The following HIVEP3 variants were observed in gnomAD, a reference collection of about 807,000 sequenced individuals.
HIVEP3 encodes transcription factor HIVEP3.
In HIVEP3, 49 loss-of-function variants were observed where a neutral mutation model predicts 152.8. The ratio of observed to expected loss-of-function variants is 0.32; its 90% CI spans 0.26 to 0.41. HIVEP3 has a LOEUF of 0.41. Ranked by LOEUF, HIVEP3 falls within the 10% of genes least tolerant of loss-of-function variation. HIVEP3 has a pLI of 1.00. For synonymous variants in HIVEP3, 1,269 were observed against 1,289.0 expected (o/e 0.98, Z 0.33); for missense variants, 2,790 against 3,103.3 (o/e 0.90, Z 2.40).
At chr1:41,514,178 T>C (rs1244338861) in intron 7 of HIVEP3, among the ~76,000 whole-genome samples, 1 of 152,000 alleles carries the variant, frequency 6.6e-6, no homozygotes, top group African/African-American at 2.4e-5. Flanking sequence ...TTTGTTTGTT[T>C]CACTAGCATC....
chr1:41,717,338 G>A (rs75257325), intron 1 of HIVEP3, among the ~76,000 whole-genome samples: 3,411 of 152,298 alleles, frequency 0.022, 181 homozygotes, highest in East Asian at 0.21. Flanking sequence ...AAAAACTCCT[G>A]TCCTCTTGGA....
At chr1:42,005,918 G>C (rs961327291) in intron 1 of HIVEP3, among the ~76,000 whole-genome samples, 9 of 152,290 alleles carry the variant, frequency 5.9e-5, no homozygotes, top group East Asian at 1.9e-4. Context: ...GGTTCAGTGA[G>C]AGTGGTTTAG....
rs1644440155 is a variant in HIVEP3 at position 41,510,738 on chromosome 1, G to A, written c.6934C>T (p.Pro2312Ser). The A allele has an allele frequency of 3.2e-6, 5 of 1,562,736 alleles. No homozygotes were observed. In the South Asian group the frequency reaches 4.7e-5, roughly 15 times the overall value. The change falls in exon 9 of 9, where the codon CCC (proline) becomes TCC (serine). Residue 2312 changes from proline to serine, a missense_variant. Physicochemically the swap from Pro to Ser is moderately conservative, Grantham distance 74. Around this residue, in one of 9 missense-constraint regions of HIVEP3, gnomAD observed 816 missense variants for 806.5 expected, o/e 1.01. Coordinates refer to ENST00000372583, the MANE Select transcript of HIVEP3 (RefSeq NM_024503.5). ...TGGGGCGGCCGGGGCAAGGTGTCGG[G>A]TGGGGTGCAGGGGCTGTGCGTGGGT... ...PTPTHSPCTP[P>S]DTLPRPPQGR...
At position 41,580,531 on chromosome 1, in the gene HIVEP3, A is replaced by G. The variant is rs1374210491; in HGVS notation, c.4267T>C (p.Ser1423Pro). ...ACACGTTTGCTTCCCCCTGCTGTTG[A>G]TGAACTCCCCTCCAGGCTCAAGATA... is the stretch of plus-strand genomic sequence containing the variant. ...ESILSLEGSS[S>P]TAGGSKRVLS... is the part of the protein sequence containing the mutation. The change falls in exon 4 of 9, where the codon TCA becomes CCA. Residue 1423 changes from serine (S) to proline (P), a missense_variant. Ser to Pro is a moderately conservative substitution (Grantham distance 74). Coordinates refer to ENST00000372583, the MANE Select transcript of HIVEP3 (RefSeq NM_024503.5). 2.5e-6 allele frequency: 4 copies of G among 1,614,156 alleles called. No homozygotes were observed. The highest frequency in any genetic ancestry group is 2.5e-6 in the Non-Finnish European group (3 of 1,180,036).
In HIVEP3 at chr1:41,621,674, G is replaced by A. The variant is rs530498064; in HGVS notation, c.-522+7075C>T. 1.2e-4 allele frequency among the ~76,000 whole-genome samples: 19 copies of A among 152,250 alleles called. No homozygotes were observed. The East Asian group carries it at 3.3e-3, about 26-fold the overall frequency. ...CTACAGGAGTATGACCACCACATCT[G>A]GCTAAATTTTTTATTTTTCTAGTTT... On this transcript the variant is annotated intron_variant, in intron 3 of 8. Coordinates refer to ENST00000372583, the MANE Select transcript of HIVEP3 (RefSeq NM_024503.5).
rs999292659 is a variant in HIVEP3 at position 41,867,364 on chromosome 1, A to G, written c.-801+51049T>C. 3.9e-5 allele frequency among the ~76,000 whole-genome samples: 6 copies of G among 152,208 alleles called. No homozygotes were observed. In the South Asian group the frequency reaches 6.2e-4, roughly 16 times the overall value. On this transcript the variant is annotated intron_variant, in intron 1 of 8. Coordinates refer to ENST00000372583, the MANE Select transcript of HIVEP3 (RefSeq NM_024503.5). The stretch of plus-strand genomic sequence containing the variant: ...TTTACAACTCTTTAGAAATGTAAGA[A>G]TCATCCTTAGTTTGAGGTGCCATAT...
intron 3 of HIVEP3, among the ~76,000 whole-genome samples, chr1:41,603,905 C>A (rs975795683): frequency 1.3e-5 from 2 of 152,088 alleles, no homozygotes; most frequent in African/African-American, 4.8e-5. Flanking sequence ...ATATTCTATC[C>A]GTTATTAAAA....
At chr1:42,016,553 A>G (rs1013706955) in intron 1 of HIVEP3, among the ~76,000 whole-genome samples, 6 of 152,126 alleles carry the variant, frequency 3.9e-5, no homozygotes, top group Middle Eastern at 3.4e-3. Context: ...TGATTTTAAT[A>G]CATGCACATA....
At position 41,723,277 on chromosome 1, in the gene HIVEP3, G is replaced by A. The variant is rs184250160; in HGVS notation, c.-800-22282C>T. ...TTTTCCTTGGGGGTTGGGGGATCAGGAATGAGCCCTGAGTTTGGGTCATCT... is the reference window on the plus strand; with the variant it reads ...TTTTCCTTGGGGGTTGGGGGATCAGAAATGAGCCCTGAGTTTGGGTCATCT... On this transcript the variant is annotated intron_variant, in intron 1 of 8. Coordinates refer to ENST00000372583, the MANE Select transcript of HIVEP3 (RefSeq NM_024503.5). 2.3e-3 allele frequency among the ~76,000 whole-genome samples: 349 copies of A among 152,154 alleles called. 2 individuals are homozygous for A. Among genetic ancestry groups the A allele is most frequent in the Non-Finnish European group, 1.5e-3 (100 of 68,008 alleles).
chr1:41,676,601 G>A (rs992428488), intron 2 of HIVEP3, among the ~76,000 whole-genome samples: 9 of 152,190 alleles, frequency 5.9e-5, no homozygotes, highest in Admixed American at 5.2e-4. Flanking sequence ...CTGACTCAGC[G>A]CTTTCATCCA....
chr1:41,514,360 T>C (rs1204263222), intron 7 of HIVEP3, among the ~76,000 whole-genome samples: 1 of 152,254 alleles, frequency 6.6e-6, no homozygotes, highest in East Asian at 1.9e-4. Flanking sequence ...AATACATTAA[T>C]GATGAAATCT....
chr1:41,727,201 C>T (rs1355636046), intron 1 of HIVEP3, among the ~76,000 whole-genome samples: 1 of 152,234 alleles, frequency 6.6e-6, no homozygotes, highest in African/African-American at 2.4e-5. Flanking sequence ...TCTCTCCTCA[C>T]ACTCTCTGAG....
rs149766375 is a variant in HIVEP3, at chr1:41,818,523, A to G, written c.-801+99890T>C. On this transcript the variant is annotated intron_variant, in intron 1 of 8. Transcript: ENST00000372583. ...TCTTAGCAAGGACTGAAAGCAACCC[A>G]AGTGCTTTAGACTAGGGGTGAGGAT... 5.3e-5 allele frequency among the ~76,000 whole-genome samples: 8 copies of G among 152,270 alleles called. No homozygotes were observed. The East Asian group carries it at 1.5e-3, about 29-fold the overall frequency.
intron 1 of HIVEP3, among the ~76,000 whole-genome samples, chr1:42,027,387 T>C (rs1645588149): frequency 1.3e-5 from 2 of 152,210 alleles, no homozygotes; most frequent in African/African-American, 4.8e-5. Context: ...CTGTTCTCCA[T>C]ATAGAATTTA....
At chr1:41,625,317 G>A (rs1645102658) in intron 3 of HIVEP3, among the ~76,000 whole-genome samples, 1 of 152,050 alleles carries the variant, frequency 6.6e-6, no homozygotes, top group Non-Finnish European at 1.5e-5. Context: ...AACTTCTTCT[G>A]TAAAGGGCCA....
intron 3 of HIVEP3, among the ~76,000 whole-genome samples, chr1:41,626,104 G>C (rs1339189365): frequency 2.0e-5 from 3 of 152,210 alleles, no homozygotes; most frequent in Non-Finnish European, 4.4e-5. Flanking sequence ...AAGAGTGGCT[G>C]TGACTCCATG....
At chr1:41,593,607 G>T (rs1414676797) in intron 3 of HIVEP3, among the ~76,000 whole-genome samples, 2 of 152,236 alleles carry the variant, frequency 1.3e-5, no homozygotes, top group Non-Finnish European at 2.9e-5. Context: ...TCAAAAAGCA[G>T]AAATTTACAC....
At chr1:41,858,426 C>T (rs1000986783) in intron 1 of HIVEP3, among the ~76,000 whole-genome samples, 4 of 152,208 alleles carry the variant, frequency 2.6e-5, no homozygotes, top group Admixed American at 1.3e-4. Context: ...GGTCATCTTC[C>T]TATGTGTCTA....
At chr1:41,544,844 TACCACCACCACCACCACC>T (rs1309800542) in intron 5 of HIVEP3, among the ~76,000 whole-genome samples, 1 of 11,810 alleles carries the variant, frequency 8.5e-5, no homozygotes, top group Non-Finnish European at 1.7e-4. Flanking sequence ...CCACCACCAC[TACCACCACCACCACCACC>T]ACCACCACCA....
Sources: gnomAD v4.1 joint callset for allele counts (sites outside exome capture counted in the v4.1 genomes callset) on GRCh38, gnomAD v4.1.1 for gene constraint, gnomAD v4.1.1 regional missense constraint, MANE v1.5 for transcripts, NCBI Gene and HGNC (gene_info 2026-07-23, HGNC 2026-07-21) for gene names.